RFX7: variants seen among roughly 807,000 people sequenced by gnomAD.
RFX7 encodes the protein DNA-binding protein RFX7.
RFX7 carries 26 observed loss-of-function variants against 111.8 expected under a neutral mutation model. That is an observed-to-expected ratio of 0.23 (90% CI 0.17 to 0.32). The LOEUF is 0.32. Among genes scored for constraint, RFX7 ranks in the 10% least tolerant of loss-of-function variants. The pLI is 1.00. For synonymous variants in RFX7, 624 were observed against 624.4 expected, an observed-to-expected ratio of 1.00 and a Z score of 0.01; for missense variants, 1,573 against 1,772.9, an observed-to-expected ratio of 0.89 and a Z score of 2.02.
At chr15:56,096,746 A>G (rs1419495664) in intron 9 of RFX7, 126 bp from the exon 10 acceptor site, 2 of 1,015,138 alleles carry the variant, frequency 2.0e-6, no homozygotes, top group Admixed American at 2.9e-5. Context: ...TTCCTATGTT[A>G]GAAGAGAGTT....
chr15:56,094,921 T>C lies in RFX7; in HGVS notation c.2807A>G (p.His936Arg). The change falls in exon 10 of 10, where the codon CAT (histidine) becomes CGT (arginine). Residue 936 changes from histidine (H) to arginine (R), a missense_variant. Coordinates refer to ENST00000559447, the MANE Select transcript of RFX7 (RefSeq NM_022841.7). ...TGGAGTGCCATTGCTGTGGATTGGA[T>C]GATAGAAGTGGGTGCTGGAAGTGTG... ...SSHTSSTHFY[H>R]PIHSNGTPIH... 11 of 1,587,182 alleles carry C rather than the reference T, an allele frequency of 6.9e-6. No homozygotes were observed. The highest frequency in any genetic ancestry group is 9.4e-6 in the Non-Finnish European group (11 of 1,166,674).
rs548412005 is a variant in RFX7, at chr15:56,223,249, T to C, written c.161+19876A>G. Among the ~76,000 whole-genome samples the C allele has an allele frequency of 5.3e-5, 8 of 152,268 alleles. No homozygotes were observed. In the South Asian group the frequency reaches 8.3e-4, roughly 16 times the overall value. ...AGTTAAAGATTCAGAATGATCCCCA[T>C]AAAGGTTTCTGAAGCTTCTCTAAGC... On this transcript the variant is annotated intron_variant, in intron 2 of 9. Transcript: ENST00000559447.
At chr15:56,134,401 T>C (rs1295196480) in intron 5 of RFX7, among the ~76,000 whole-genome samples, 2 of 152,150 alleles carry the variant, frequency 1.3e-5, no homozygotes, top group Admixed American at 6.6e-5. Flanking sequence ...ATAAGTGAAA[T>C]ATTCTTAGTG....
At chr15:56,159,444 A>G (rs1412248386) in intron 3 of RFX7, among the ~76,000 whole-genome samples, 2 of 152,232 alleles carry the variant, frequency 1.3e-5, no homozygotes, top group South Asian at 2.1e-4. Context: ...ATCATTGAAG[A>G]TTATGTTACA....
At chr15:56,125,497 T>C (rs2042130953) in intron 5 of RFX7, among the ~76,000 whole-genome samples, 1 of 151,904 alleles carries the variant, frequency 6.6e-6, no homozygotes, top group Non-Finnish European at 1.5e-5. Flanking sequence ...GGGATGTCTT[T>C]TCATTTATTT....
rs2043430749 is a variant in RFX7, at chr15:56,221,902, C to A, written c.161+21223G>T. On this transcript the variant is annotated intron_variant, in intron 2 of 9. Transcript: ENST00000559447. ...GCATTAAACAAAAAACTGTCTTTCA[C>A]AGAAAATATGTACTTTAAAAAAGTC... Among the ~76,000 whole-genome samples, 6 of 152,192 alleles carry A rather than the reference C, an allele frequency of 3.9e-5. No homozygotes were observed. In the South Asian group the frequency reaches 1.0e-3, roughly 26 times the overall value.
intron 3 of RFX7, among the ~76,000 whole-genome samples, chr15:56,158,550 G>T (rs1595975860): frequency 6.6e-6 from 1 of 151,888 alleles, no homozygotes; most frequent in East Asian, 1.9e-4. Context: ...CAGGCTGGAG[G>T]GCAGTGGTAC....
intron 5 of RFX7, among the ~76,000 whole-genome samples, chr15:56,104,578 G>T (rs77544748): frequency 6.6e-6 from 1 of 152,348 alleles, no homozygotes; most frequent in Non-Finnish European, 1.5e-5. Context: ...GGTGGGCAGG[G>T]TGTAATGGAA....
At chr15:56,135,569 T>G (rs1301901782) in intron 5 of RFX7, among the ~76,000 whole-genome samples, 1 of 151,714 alleles carries the variant, frequency 6.6e-6, no homozygotes, top group Non-Finnish European at 1.5e-5. Context: ...GTAGGTTGCC[T>G]GTTCACTCTG....
At chr15:56,194,959 AT>A (rs2043133440) in intron 2 of RFX7, among the ~76,000 whole-genome samples, 1 of 152,198 alleles carries the variant, frequency 6.6e-6, no homozygotes, top group Non-Finnish European at 1.5e-5. Flanking sequence ...AAATGGGCTG[AT>A]GTTCATAGCA....
At chr15:56,180,623 T>C (rs1041059820) in intron 2 of RFX7, among the ~76,000 whole-genome samples, 1 of 151,974 alleles carries the variant, frequency 6.6e-6, no homozygotes, top group South Asian at 2.1e-4. Flanking sequence ...CAGTCATTAC[T>C]GGCCAGGCGT....
chr15:56,157,530 A>T (rs984377937), intron 3 of RFX7, among the ~76,000 whole-genome samples: 2 of 152,334 alleles, frequency 1.3e-5, no homozygotes, highest in Admixed American at 1.3e-4. Context: ...TTTTATGTTC[A>T]GCATATGAAA....
At chr15:56,101,605 C>A (rs767226032) in intron 7 of RFX7, 39 bp from the exon 8 acceptor site, 2 of 1,511,748 alleles carry the variant, frequency 1.3e-6, no homozygotes, top group South Asian at 2.3e-5. Context: ...TTGTAAAAGA[C>A]CAGAGAAATT....
intron 2 of RFX7, chr15:56,192,532 AC>A: frequency 6.1e-6 from 1 of 162,720 alleles, no homozygotes; most frequent in Non-Finnish European, 1.4e-5. Flanking sequence ...CCCATGGGGT[AC>A]CTGGCTCCTA....
At chr15:56,102,002 C>T (rs948568990) in intron 7 of RFX7, among the ~76,000 whole-genome samples, 167 bp downstream of exon 7, 2 of 152,022 alleles carry the variant, frequency 1.3e-5, no homozygotes, top group South Asian at 2.1e-4. Context: ...TTCATGTTGA[C>T]GTAGGTCATA....
intron 3 of RFX7, among the ~76,000 whole-genome samples, chr15:56,144,752 T>C (rs1356250989): frequency 6.6e-6 from 1 of 152,144 alleles, no homozygotes; most frequent in Non-Finnish European, 1.5e-5. Context: ...CAAAAAAAGC[T>C]TCTCATTTTT....
rs1295209907 is a variant in RFX7, at chr15:56,161,075, T to C, written c.196-16592A>G. 2.0e-5 allele frequency among the ~76,000 whole-genome samples: 3 copies of C among 152,110 alleles called. No homozygotes were observed. The East Asian group carries it at 5.8e-4, about 29-fold the overall frequency. ...ATGGCTTAATTTTCTGTTCAAAATA[T>C]TCTGCTCAAAGATAAGGAGTATGAT... On this transcript the variant is annotated intron_variant, in intron 3 of 9. Coordinates refer to ENST00000559447, the MANE Select transcript of RFX7 (RefSeq NM_022841.7).
At chr15:56,150,396 C>T (rs1228628210) in intron 3 of RFX7, among the ~76,000 whole-genome samples, 1 of 152,218 alleles carries the variant, frequency 6.6e-6, no homozygotes, top group Non-Finnish European at 1.5e-5. Context: ...CGACAGACAC[C>T]TCATACAGGA....
chr15:56,232,397 G>C (rs1369968001), intron 2 of RFX7, among the ~76,000 whole-genome samples: 1 of 152,168 alleles, frequency 6.6e-6, no homozygotes, highest in Non-Finnish European at 1.5e-5. Flanking sequence ...GCAAAGAGCA[G>C]GGAGGCCCTG....
Sources: gnomAD v4.1 joint callset for allele counts (sites outside exome capture counted in the v4.1 genomes callset) on GRCh38, gnomAD v4.1.1 for gene constraint, MANE v1.5 for transcripts, NCBI Gene and HGNC (gene_info 2026-07-23, HGNC 2026-07-21) for gene names.